The following ALDH1A3 variants were observed in gnomAD, a reference collection of about 807,000 sequenced individuals.
ALDH1A3 encodes aldehyde dehydrogenase 1 family member A3.
Under a neutral mutation model 57.5 loss-of-function variants are expected in ALDH1A3, and 28 were observed. That is an observed-to-expected ratio of 0.49 (90% CI 0.36 to 0.67). ALDH1A3 has a LOEUF of 0.67. ALDH1A3 is among the 30% of genes least tolerant of loss of function. The pLI is 0.00. For missense variants in ALDH1A3, 507 were observed against 669.4 expected, an observed-to-expected ratio of 0.76 and a Z score of 2.68; for synonymous variants, 281 against 264.8, an observed-to-expected ratio of 1.06 and a Z score of -0.59.
chr15:100,897,993 C>A, intron 7 of ALDH1A3, 90 bp from the exon 8 acceptor site: 3 of 1,289,882 alleles, frequency 2.3e-6, no homozygotes, highest in Admixed American at 1.8e-5. Context: ...CACTGCCACC[C>A]GGGCTTGATC....
At chr15:100,885,441 G>A (rs187265624) in intron 2 of ALDH1A3, 70 bp downstream of exon 2, 154 of 1,223,516 alleles carry the variant, frequency 1.3e-4, no homozygotes, top group Non-Finnish European at 1.7e-4. Context: ...GAAACGGTTC[G>A]GCTTAGCTAT....
Position 100,908,302 on chromosome 15 carries a change from G to T in ALDH1A3, c.1392-106G>T. 7.7e-6 allele frequency: 7 copies of T among 907,920 alleles called. 1 individual carries two copies. The highest frequency in any genetic ancestry group is 1.6e-5 in the South Asian group (1 of 63,156). 56.2% of individuals were successfully genotyped at this position (907,920 alleles called of 1,614,324 possible). The stretch of plus-strand genomic sequence containing the variant: ...TTTCATCAAGGAAGCTTTGGCAAAA[G>T]ACTGTTTATTAGACAATGCCCTGCA... On this transcript the variant is annotated intron_variant, in intron 11 of 12. Transcript: ENST00000329841.
rs1567173841 is a variant in ALDH1A3 at position 100,907,127 on chromosome 15, G to A, written c.1240G>A (p.Gly414Arg). The change falls in exon 11 of 13, where the codon GGG becomes AGG. Residue 414 changes from glycine (G) to arginine (R), a missense_variant. Coordinates refer to ENST00000329841, the MANE Select transcript of ALDH1A3 (RefSeq NM_000693.4). Reference protein sequence around the residue: ...NMRIAKEEIFGPVQPILKFKS... With the variant: ...NMRIAKEEIFRPVQPILKFKS... ...TTCTTGCAATTAATCATAGATTTTCGGGCCAGTGCAACCAATACTGAAGTT... is the reference window on the plus strand; with the variant it reads ...TTCTTGCAATTAATCATAGATTTTCAGGCCAGTGCAACCAATACTGAAGTT... 3.7e-6 allele frequency: 6 copies of A among 1,611,324 alleles called. No homozygotes were observed. The highest frequency in any genetic ancestry group is 5.1e-6 in the Non-Finnish European group (6 of 1,178,420).
intron 3 of ALDH1A3, among the ~76,000 whole-genome samples, chr15:100,891,839 T>C (rs1055810280): frequency 2.6e-5 from 4 of 152,248 alleles, no homozygotes; most frequent in Non-Finnish European, 2.9e-5. Flanking sequence ...ATCCCTGCCA[T>C]TGAGTGGCTG....
chr15:100,900,863 G>C, intron 9 of ALDH1A3, 104 bp downstream of exon 9: 3 of 1,260,296 alleles, frequency 2.4e-6, no homozygotes, highest in Non-Finnish European at 3.3e-6. Context: ...AAGGAATGCT[G>C]ACCTGTCCTG....
chr15:100,896,849 G>A (rs186103187), intron 7 of ALDH1A3, among the ~76,000 whole-genome samples: 2 of 152,252 alleles, frequency 1.3e-5, no homozygotes, highest in Admixed American at 6.5e-5. Flanking sequence ...AACAGCAAAC[G>A]GTAGAAAATT....
At position 100,893,033 on chromosome 15, in the gene ALDH1A3, A is replaced by G. The variant is rs1409948095; in HGVS notation, c.537+27A>G. ...TAAGTATGGCAGCCTTTCTCAGTAG[A>G]TTCTATGTAGATCCTGCCCCACTGC... On this transcript the variant is annotated intron_variant, in intron 5 of 12. Coordinates refer to ENST00000329841, the MANE Select transcript of ALDH1A3 (RefSeq NM_000693.4). The surrounding 1 kb of genome is among the most constrained non-coding windows in gnomAD (Gnocchi z 4.8). 1 of 1,603,352 alleles carries G rather than the reference A, an allele frequency of 6.2e-7. No homozygotes were observed. The highest frequency in any genetic ancestry group is 2.2e-5 in the East Asian group (1 of 44,808).
intron 11 of ALDH1A3, 31 bp from the exon 12 acceptor site, chr15:100,908,377 T>G: frequency 1.3e-6 from 2 of 1,594,650 alleles, no homozygotes; most frequent in African/African-American, 2.7e-5. Context: ...CTTCTCCAGA[T>G]GACTCTGAGC....
chr15:100,883,938 G>T (rs576421471), intron 1 of ALDH1A3, among the ~76,000 whole-genome samples: 11 of 152,300 alleles, frequency 7.2e-5, no homozygotes, highest in African/African-American at 2.4e-4. Flanking sequence ...CTTGAGGGAC[G>T]CAATTCTTCC....
At chr15:100,903,127 A>G (rs1404685449) in intron 9 of ALDH1A3, among the ~76,000 whole-genome samples, 3 of 152,212 alleles carry the variant, frequency 2.0e-5, no homozygotes, top group Non-Finnish European at 4.4e-5. Flanking sequence ...AAAAACGTCT[A>G]TAGTGAAAGG....
At position 100,893,671 on chromosome 15, in the gene ALDH1A3, G is replaced by C. The variant is rs1368461109; in HGVS notation, c.538-283G>C. The C allele has an allele frequency of 3.2e-6, 1 of 308,708 alleles. No individual in the cohort carries two copies. The highest frequency in any genetic ancestry group is 2.1e-5 in the African/African-American group (1 of 46,814). 19.1% of individuals were successfully genotyped at this position (308,708 alleles called of 1,614,324 possible). A position where few individuals can be genotyped will look rare whatever the true frequency, so the allele number is the denominator to read the frequency against. On this transcript the variant is annotated intron_variant, in intron 5 of 12. Coordinates refer to ENST00000329841, the MANE Select transcript of ALDH1A3 (RefSeq NM_000693.4). This position sits in a 1 kb window ranked among gnomAD's most constrained non-coding sequence, Gnocchi z 4.8. ...TGAGGGTTCAAAAAGTGCCCATGGA[G>C]GCAGGGAGGAGGACACGTCTTCAGC...
chr15:100,890,121 C>T (rs941601697), intron 3 of ALDH1A3, among the ~76,000 whole-genome samples: 2 of 152,182 alleles, frequency 1.3e-5, no homozygotes, highest in African/African-American at 4.8e-5. Context: ...TGGGAGCTCC[C>T]AAACGGAAGC....
intron 11 of ALDH1A3, among the ~76,000 whole-genome samples, chr15:100,907,567 G>A (rs892206840): frequency 6.6e-6 from 1 of 152,160 alleles, no homozygotes; most frequent in Non-Finnish European, 1.5e-5. Context: ...CCCCTGTGCT[G>A]TACTGCCCCT....
chr15:100,898,000 G>T (rs939202988), intron 7 of ALDH1A3, 83 bp from the exon 8 acceptor site: 3 of 1,364,816 alleles, frequency 2.2e-6, no homozygotes, highest in South Asian at 2.5e-5. Flanking sequence ...ACCCGGGCTT[G>T]ATCAGAATGT....
intron 9 of ALDH1A3, among the ~76,000 whole-genome samples, chr15:100,905,260 A>G (rs1383234525): frequency 6.6e-6 from 1 of 152,246 alleles, no homozygotes; most frequent in Non-Finnish European, 1.5e-5. Context: ...GCTGCATGGA[A>G]AAGGGAGATA....
chr15:100,880,088 C>A, intron 1 of ALDH1A3, 82 bp downstream of exon 1: 2 of 1,087,318 alleles, frequency 1.8e-6, no homozygotes, highest in Non-Finnish European at 2.4e-6. Flanking sequence ...GGCGAGGGAG[C>A]AGCGGGCCGG....
chr15:100,885,808 C>CT (rs1418439456), intron 2 of ALDH1A3, among the ~76,000 whole-genome samples: 1 of 152,152 alleles, frequency 6.6e-6, no homozygotes, highest in Non-Finnish European at 1.5e-5. Context: ...AAAATAGTTG[C>CT]TACCCGGGTG....
Position 100,915,345 on chromosome 15 carries a change from G to A in ALDH1A3, c.*572G>A, listed in dbSNP as rs1332954965. On this transcript the variant is annotated 3_prime_UTR_variant, in exon 13 of 13. Coordinates refer to ENST00000329841, the MANE Select transcript of ALDH1A3 (RefSeq NM_000693.4). The stretch of plus-strand genomic sequence containing the variant: ...AAGGATTTCACAGTGAGAAAGTTTT[G>A]GTTAGTGCATACCGTGGAAGGGCGC... 1 of 152,940 alleles carries A rather than the reference G, an allele frequency of 6.5e-6. No individual in the cohort carries two copies. The highest frequency in any genetic ancestry group is 1.9e-4 in the East Asian group (1 of 5,206). 9.5% of individuals were successfully genotyped at this position (152,940 alleles called of 1,614,324 possible). A position where few individuals can be genotyped will look rare whatever the true frequency, so the allele number is the denominator to read the frequency against.
intron 9 of ALDH1A3, among the ~76,000 whole-genome samples, chr15:100,905,267 G>A (rs1310967940): frequency 6.6e-6 from 1 of 152,212 alleles, no homozygotes; most frequent in East Asian, 1.9e-4. Context: ...GGAAAAGGGA[G>A]ATAGAAGTGT....
Sources: gnomAD v4.1 joint callset for allele counts (sites outside exome capture counted in the v4.1 genomes callset) on GRCh38, gnomAD v4.1.1 for gene constraint, Gnocchi (gnomAD v3.1) non-coding constraint, MANE v1.5 for transcripts, NCBI Gene and HGNC (gene_info 2026-07-23, HGNC 2026-07-21) for gene names.